BMF: variants seen among roughly 807,000 people sequenced by gnomAD.
The protein encoded by BMF is bcl-2-modifying factor.
Under a neutral mutation model 22.0 loss-of-function variants are expected in BMF, and 10 were observed. That is an observed-to-expected ratio of 0.45 (90% CI 0.28 to 0.77). BMF has a LOEUF of 0.77. Among genes scored for constraint, BMF ranks in the 30% least tolerant of loss-of-function variants. The pLI is 0.13. For missense variants in BMF, 206 were observed against 226.8 expected, an observed-to-expected ratio of 0.91 and a Z score of 0.59; for synonymous variants, 87 against 88.1, an observed-to-expected ratio of 0.99 and a Z score of 0.07.
rs2036597413 is a variant in BMF, at chr15:40,106,773, G to A, written c.-5-682C>T. On this transcript the variant is annotated intron_variant, in intron 2 of 4. Coordinates refer to ENST00000354670, the MANE Select transcript of BMF (RefSeq NM_001003940.2). The surrounding 1 kb of genome is among the most constrained non-coding windows in gnomAD (Gnocchi z 4.1). ...AATGTGTCCTGGGAGAGGGGATAAA[G>A]ACCCAAGCTAGTCATTGCAGCTGCC... is the stretch of plus-strand genomic sequence containing the variant. 1 of 152,350 alleles carries A rather than the reference G, an allele frequency of 6.6e-6. No individual in the cohort carries two copies. The highest frequency in any genetic ancestry group is 1.5e-5 in the Non-Finnish European group (1 of 68,162). 9.4% of individuals were successfully genotyped at this position (152,350 alleles called of 1,614,324 possible). A position where few individuals can be genotyped will look rare whatever the true frequency, so the allele number is the denominator to read the frequency against.
At chr15:40,092,081 C>A (rs1428313073) in intron 4 of BMF, among the ~76,000 whole-genome samples, 193 bp from the exon 5 acceptor site, 1 of 152,128 alleles carries the variant, frequency 6.6e-6, no homozygotes, top group East Asian at 1.9e-4. Flanking sequence ...TTGAGTTCTC[C>A]AAAAACAATT....
chr15:40,090,492 C>T lies in BMF; in HGVS notation c.*1295G>A, dbSNP rs2036211357. 1 of 152,696 alleles carries T rather than the reference C, an allele frequency of 6.5e-6. No homozygotes were observed. The highest frequency in any genetic ancestry group is 2.4e-5 in the African/African-American group (1 of 41,456). The allele number at this position is 152,696 out of a possible 1,614,324, so 9.5% of individuals were successfully genotyped here. On this transcript the variant is annotated 3_prime_UTR_variant, in exon 5 of 5. Transcript: ENST00000354670. ...CCTGTGCCTGCTATCGGAGCTGCCA[C>T]ACCGGCTGCTTTAGATCCTCTCCAT...
chr15:40,105,951 G>C lies in BMF; in HGVS notation c.136C>G (p.Arg46Gly), dbSNP rs778760057. The stretch of plus-strand genomic sequence containing the variant: ...TGGGTGAGAGGGAAGAGCTGAAGTC[G>C]GCTGAGGGGGCAGTCCAGTAGGCTC... ...AQSLLDCPLSRLQLFPLTHCC... is the reference protein window; with the variant it reads ...AQSLLDCPLSGLQLFPLTHCC... The change falls in exon 3 of 5, where the codon CGA (arginine) becomes GGA (glycine). Residue 46 changes from arginine (R) to glycine (G), a missense_variant. Coordinates refer to ENST00000354670, the MANE Select transcript of BMF (RefSeq NM_001003940.2). 3.1e-6 allele frequency: 5 copies of C among 1,614,110 alleles called. No individual in the cohort carries two copies. The highest frequency in any genetic ancestry group is 1.1e-5 in the South Asian group (1 of 91,084).
Position 40,088,446 on chromosome 15 carries a change from G to C in BMF, c.*3341C>G, listed in dbSNP as rs1457818652. On this transcript the variant is annotated 3_prime_UTR_variant, in exon 5 of 5. Transcript: ENST00000354670. ...GCCAGCACTGATTTGCAGAAGGCCT[G>C]CAGAGCCATGGTGACCAAAGTCTTC... is the stretch of plus-strand genomic sequence containing the variant. 1 of 152,326 alleles carries C rather than the reference G, an allele frequency of 6.6e-6. No homozygotes were observed. Among genetic ancestry groups the C allele is most frequent in the Non-Finnish European group, 1.5e-5 (1 of 68,126 alleles). The allele number at this position is 152,326 out of a possible 1,614,324, so 9.4% of individuals were successfully genotyped here. A position where few individuals can be genotyped will look rare whatever the true frequency, so the allele number is the denominator to read the frequency against.
rs771349828 is a variant in BMF at position 40,106,021 on chromosome 15, C to T, written c.66G>A (p.Pro22=). 15 of 1,613,602 alleles carry T rather than the reference C, an allele frequency of 9.3e-6. No individual in the cohort carries two copies. The highest frequency in any genetic ancestry group is 4.5e-5 in the East Asian group (2 of 44,894). Residue 22 remains proline (P), a synonymous_variant, in exon 3 of 5, where the codon CCG becomes CCA. Transcript: ENST00000354670. This position sits in a 1 kb window ranked among gnomAD's most constrained non-coding sequence, Gnocchi z 4.1. Reference sequence around the variant, plus strand: ...AGAGCAAGCTCCCGGGTTGGGTCACCGGCTCCCCATCCTCTGGTTGGAACA... The same window carrying T: ...AGAGCAAGCTCCCGGGTTGGGTCACTGGCTCCCCATCCTCTGGTTGGAACA... ...DDVFQPEDGE[P]VTQPGSLLSA...
Position 40,088,084 on chromosome 15 carries a change from G to A in BMF, c.*3703C>T, listed in dbSNP as rs1175844252. 2.6e-5 allele frequency: 4 copies of A among 152,588 alleles called. No homozygotes were observed. The highest frequency in any genetic ancestry group is 2.6e-4 in the Admixed American group (4 of 15,274). The allele number at this position is 152,588 out of a possible 1,614,324, so 9.5% of individuals were successfully genotyped here. A position where few individuals can be genotyped will look rare whatever the true frequency, so the allele number is the denominator to read the frequency against. On this transcript the variant is annotated 3_prime_UTR_variant, in exon 5 of 5. Transcript: ENST00000354670. ...CCAGACCCCAGGGCAGCTACCCTGG[G>A]GATGAACAAAATGCTACATTCTCAC...
At position 40,091,666 on chromosome 15, in the gene BMF, A is replaced by C. The variant is rs980141070; in HGVS notation, c.*121T>G. On this transcript the variant is annotated 3_prime_UTR_variant, in exon 5 of 5. Transcript: ENST00000354670. ...GTACACTCAGAGAGAAATTAAAAAA[A>C]ATTAAAACACAAAATAACAACAAAA... 2.6e-6 allele frequency: 2 copies of C among 771,856 alleles called. No homozygotes were observed. The highest frequency in any genetic ancestry group is 4.2e-6 in the Non-Finnish European group (2 of 477,134). The allele number at this position is 771,856 out of a possible 1,614,324, so 47.8% of individuals were successfully genotyped here. A position where few individuals can be genotyped will look rare whatever the true frequency, so the allele number is the denominator to read the frequency against.
intron 4 of BMF, among the ~76,000 whole-genome samples, 178 bp downstream of exon 4, chr15:40,104,002 G>A (rs2036532743): frequency 1.3e-5 from 2 of 152,200 alleles, no homozygotes; most frequent in African/African-American, 2.4e-5. Flanking sequence ...TCAGAGATGA[G>A]GGCAAGATGC....
In BMF at chr15:40,090,132, A is replaced by G. The variant is rs1215531643; in HGVS notation, c.*1655T>C. ...AGTAGCCCCACACCAGGGCACGCACACAGCTTAGTGAGCAGAACACAAGCT... is the reference window on the plus strand; with the variant it reads ...AGTAGCCCCACACCAGGGCACGCACGCAGCTTAGTGAGCAGAACACAAGCT... On this transcript the variant is annotated 3_prime_UTR_variant, in exon 5 of 5. Transcript: ENST00000354670. The G allele has an allele frequency of 6.6e-6, 1 of 152,464 alleles. No individual in the cohort carries two copies. The highest frequency in any genetic ancestry group is 6.5e-5 in the Admixed American group (1 of 15,286). 9.4% of individuals were successfully genotyped at this position (152,464 alleles called of 1,614,324 possible).
intron 4 of BMF, among the ~76,000 whole-genome samples, 169 bp from the exon 5 acceptor site, chr15:40,092,057 T>C (rs1199318044): frequency 2.0e-5 from 3 of 152,148 alleles, no homozygotes; most frequent in African/African-American, 7.2e-5. Context: ...GACACTGCCA[T>C]GTGGAGGAGA....
rs1184196795 is a variant in BMF at position 40,088,774 on chromosome 15, G to A, written c.*3013C>T. ...CCCTGGGGGCTGAGGGAGGTCACTGGGAGGTGATCTTTTTCCACCTCGGAT... is the reference window on the plus strand; with the variant it reads ...CCCTGGGGGCTGAGGGAGGTCACTGAGAGGTGATCTTTTTCCACCTCGGAT... On this transcript the variant is annotated 3_prime_UTR_variant, in exon 5 of 5. Transcript: ENST00000354670. 6.6e-6 allele frequency: 1 copy of A among 152,368 alleles called. No homozygotes were observed. Among genetic ancestry groups the A allele is most frequent in the Non-Finnish European group, 1.5e-5 (1 of 68,172 alleles). 9.4% of individuals were successfully genotyped at this position (152,368 alleles called of 1,614,324 possible).
intron 4 of BMF, among the ~76,000 whole-genome samples, chr15:40,098,840 C>G (rs970345835): frequency 5.3e-5 from 8 of 152,226 alleles, no homozygotes; most frequent in Admixed American, 5.2e-4. Flanking sequence ...CTACAAGGCC[C>G]TTCTCCTGGA....
rs368252077 is a variant in BMF at position 40,105,966 on chromosome 15, C to G, written c.121G>C (p.Asp41His). ...SADLFAQSLL[D>H]CPLSRLQLFP... ...AGCTGAAGTCGGCTGAGGGGGCAGT[C>G]CAGTAGGCTCTGGGCAAACAGGTCA... is the stretch of plus-strand genomic sequence containing the variant. Residue 41 changes from aspartate to histidine, a missense_variant, in exon 3 of 5, where the codon GAC becomes CAC. Transcript: ENST00000354670. 4.3e-6 allele frequency: 7 copies of G among 1,613,962 alleles called. No homozygotes were observed. The African/African-American group carries it at 9.3e-5, about 22-fold the overall frequency.
At chr15:40,099,263 C>A (rs918779399) in intron 4 of BMF, among the ~76,000 whole-genome samples, 2 of 152,204 alleles carry the variant, frequency 1.3e-5, no homozygotes, top group Non-Finnish European at 2.9e-5. Flanking sequence ...ACAAAGGATC[C>A]AGTCTGCTAG....
At position 40,104,173 on chromosome 15, in the gene BMF, T is replaced by C. The variant is rs761704589; in HGVS notation, c.453+7A>G. The C allele has an allele frequency of 2.5e-6, 4 of 1,614,018 alleles. No homozygotes were observed. Among genetic ancestry groups the C allele is most frequent in the Non-Finnish European group, 3.4e-6 (4 of 1,179,932 alleles). ...TCAACCCTCCTCCCCTAAACCCCCG[T>C]GCCTACTTGCTGCACATGAAGCCGG... On this transcript the variant is annotated splice_region_variant and intron_variant, in intron 4 of 4. Transcript: ENST00000354670.
At chr15:40,107,115 C>T (rs1455502457) in intron 2 of BMF, among the ~76,000 whole-genome samples, 1 of 152,196 alleles carries the variant, frequency 6.6e-6, no homozygotes, top group African/African-American at 2.4e-5. Flanking sequence ...CTTGGAGCTA[C>T]TCAGCATCTT....
At chr15:40,096,422 G>A (rs1190287271) in intron 4 of BMF, among the ~76,000 whole-genome samples, 4 of 152,140 alleles carry the variant, frequency 2.6e-5, no homozygotes, top group South Asian at 2.1e-4. Flanking sequence ...GAAGCAAAGC[G>A]AAGCCGTGTG....
chr15:40,107,712 G>A (rs980696689), intron 2 of BMF, among the ~76,000 whole-genome samples: 1 of 152,128 alleles, frequency 6.6e-6, no homozygotes, highest in Non-Finnish European at 1.5e-5. Flanking sequence ...CTCTTCTCAG[G>A]CTAGCAATCT....
chr15:40,096,297 T>C (rs1012469582), intron 4 of BMF, among the ~76,000 whole-genome samples: 2 of 151,644 alleles, frequency 1.3e-5, no homozygotes, highest in Admixed American at 1.3e-4. Flanking sequence ...TGGATAAGAA[T>C]CTCCCTCTGC....
Sources: gnomAD v4.1 joint callset for allele counts (sites outside exome capture counted in the v4.1 genomes callset) on GRCh38, gnomAD v4.1.1 for gene constraint, Gnocchi (gnomAD v3.1) non-coding constraint, MANE v1.5 for transcripts, NCBI Gene and HGNC (gene_info 2026-07-23, HGNC 2026-07-21) for gene names.